The following DNHD1 variants were observed in gnomAD, a reference collection of about 807,000 sequenced individuals.
DNHD1 encodes the protein dynein heavy chain domain-containing protein 1.
A neutral mutation model predicts 458.1 loss-of-function variants in DNHD1; 383 were observed. The ratio of observed to expected loss-of-function variants is 0.84; its 90% CI spans 0.77 to 0.91. DNHD1 has a LOEUF of 0.91. Ranked by LOEUF, DNHD1 falls within the 40% of genes least tolerant of loss-of-function variation. The pLI is 0.00. For missense variants in DNHD1, 5,336 were observed against 5,866.1 expected, an observed-to-expected ratio of 0.91 and a Z score of 2.95; for synonymous variants, 2,203 against 2,376.9, an observed-to-expected ratio of 0.93 and a Z score of 2.13.
rs2134457940 is a variant in DNHD1, at chr11:6,565,968, A to G, written c.11030A>G (p.Gln3677Arg). 6.4e-7 allele frequency: 1 copy of G among 1,551,646 alleles called. No individual in the cohort carries two copies. Among genetic ancestry groups the G allele is most frequent in the Non-Finnish European group, 8.7e-7 (1 of 1,146,980 alleles). ...GGTGCTGACCCAGAGCTGGGTTCTCAGCTCCAGGAGGCAGCTGCTTGTGGT... is the reference window on the plus strand; with the variant it reads ...GGTGCTGACCCAGAGCTGGGTTCTCGGCTCCAGGAGGCAGCTGCTTGTGGT... ...LSGADPELGS[Q>R]LQEAAACGLP... Residue 3677 changes from glutamine to arginine, a missense_variant, in exon 33 of 43, where the codon CAG becomes CGG. Gln to Arg is a conservative substitution (Grantham distance 43). This residue lies in a region of DNHD1 where 695 missense variants were observed against 804.2 expected (regional missense o/e 0.86). Transcript: ENST00000254579.
rs1852207550 is a variant in DNHD1 at position 6,505,212 on chromosome 11, G to C, written c.920+2286G>C. On this transcript the variant is annotated intron_variant, in intron 4 of 42. Transcript: ENST00000254579. This position sits in a 1 kb window ranked among gnomAD's most constrained non-coding sequence, Gnocchi z 4.4. ...CTAATAACCTGAACCTCTTCCATTT[G>C]TTCCTCTAGTTCTGGAGCTGGTTTT... Among the ~76,000 whole-genome samples, 1 of 151,824 alleles carries C rather than the reference G, an allele frequency of 6.6e-6. No homozygotes were observed. Among genetic ancestry groups the C allele is most frequent in the South Asian group, 2.1e-4 (1 of 4,808 alleles).
rs759341285 is a variant in DNHD1 at position 6,548,326 on chromosome 11, C to T, written c.7022C>T (p.Thr2341Ile). The change falls in exon 23 of 43, where the codon ACA becomes ATA. Residue 2341 changes from threonine to isoleucine, a missense_variant. Coordinates refer to ENST00000254579, the MANE Select transcript of DNHD1 (RefSeq NM_144666.3). This position sits in a 1 kb window ranked among gnomAD's most constrained non-coding sequence, Gnocchi z 4.4. ...CTACATGTAAGCCCTGAAGATGGAA[C>T]ACTGGTCCCCTTCACTGGCCAATAC... ...FDLHVSPEDG[T>I]LVPFTGQYLS... 1 of 1,551,716 alleles carries T rather than the reference C, an allele frequency of 6.4e-7. No individual in the cohort carries two copies. The highest frequency in any genetic ancestry group is 8.7e-7 in the Non-Finnish European group (1 of 1,146,990).
chr11:6,567,994 G>A, intron 36 of DNHD1, 62 bp from the exon 37 acceptor site: 10 of 1,487,396 alleles, frequency 6.7e-6, no homozygotes, highest in Non-Finnish European at 9.0e-6. Context: ...CATTAGTTTG[G>A]GTCCCTCGGG....
Position 6,519,676 on chromosome 11 carries a change from A to G in DNHD1, c.1469A>G (p.Gln490Arg), listed in dbSNP as rs1291303068. The G allele has an allele frequency of 1.2e-6, 2 of 1,614,112 alleles. No homozygotes were observed. Among genetic ancestry groups the G allele is most frequent in the Non-Finnish European group, 1.7e-6 (2 of 1,180,048 alleles). The change falls in exon 8 of 43, where the codon CAA (glutamine) becomes CGA (arginine). Residue 490 changes from glutamine to arginine, a missense_variant. Gln to Arg is a conservative substitution (Grantham distance 43, BLOSUM62 1). Transcript: ENST00000254579. ...AACTGTGACAGGATCAGGACAGGCC[A>G]AGGCTCCATATACCTTCAGAGGGTA... ...VQNCDRIRTG[Q>R]GSIYLQRVQH...
Position 6,567,484 on chromosome 11 carries a change from T to A in DNHD1, c.11975T>A (p.Met3992Lys). 6.2e-7 allele frequency: 1 copy of A among 1,613,480 alleles called. No homozygotes were observed. Among genetic ancestry groups the A allele is most frequent in the Non-Finnish European group, 8.5e-7 (1 of 1,179,672 alleles). The change falls in exon 36 of 43, where the codon ATG (methionine) becomes AAG (lysine). Residue 3992 changes from methionine (M) to lysine (K), a missense_variant. Met to Lys is a moderately conservative substitution (Grantham distance 95, BLOSUM62 -1). This residue lies in a region of DNHD1 where 695 missense variants were observed against 804.2 expected (regional missense o/e 0.86). Coordinates refer to ENST00000254579, the MANE Select transcript of DNHD1 (RefSeq NM_144666.3). ...LGPKAWHECE[M>K]LELLPPFVGL... The stretch of plus-strand genomic sequence containing the variant: ...CCAAAAGCCTGGCATGAATGTGAGA[T>A]GTTAGAGCTGCTGCCCCCATTTGTT...
At position 6,545,356 on chromosome 11, in the gene DNHD1, C is replaced by A. The variant is rs183529428; in HGVS notation, c.4417C>A (p.Arg1473=). The A allele has an allele frequency of 1.1e-4, 169 of 1,551,746 alleles. 2 individuals are homozygous for A. The African/African-American group carries it at 1.5e-3, about 13-fold the overall frequency. Residue 1473 remains arginine, a synonymous_variant, in exon 21 of 43, where the codon CGA becomes AGA. Coordinates refer to ENST00000254579, the MANE Select transcript of DNHD1 (RefSeq NM_144666.3). The surrounding 1 kb of genome is among the most constrained non-coding windows in gnomAD (Gnocchi z 4.9). ...LQGCVAARLA[R]GPSLGEALKQ... ...GGGCTGTGTGGCTGCTCGCCTTGCT[C>A]GAGGCCCATCTCTAGGTGAGGCCCT...
At chr11:6,563,324 T>C in intron 29 of DNHD1, 58 bp from the exon 30 acceptor site, 6 of 1,538,068 alleles carry the variant, frequency 3.9e-6, no homozygotes, top group Non-Finnish European at 5.3e-6. Context: ...AAAAACACCT[T>C]GAAGGAAGAA....
intron 14 of DNHD1, among the ~76,000 whole-genome samples, chr11:6,535,312 C>T (rs1443415200): frequency 6.6e-6 from 1 of 152,186 alleles, no homozygotes; most frequent in Non-Finnish European, 1.5e-5. Context: ...TACATGTGCA[C>T]ACATTTGCTA....
rs185693076 is a variant in DNHD1, at chr11:6,502,961, C to G, written c.920+35C>G. 163 of 1,604,460 alleles carry G rather than the reference C, an allele frequency of 1.0e-4. No individual in the cohort carries two copies. The East Asian group carries it at 3.5e-3, about 34-fold the overall frequency. On this transcript the variant is annotated intron_variant, in intron 4 of 42. Coordinates refer to ENST00000254579, the MANE Select transcript of DNHD1 (RefSeq NM_144666.3). Reference sequence around the variant, plus strand: ...TATGTCCAGGCCCCTTCTCCTCCCCCTGCCTGGTTTCCTTCTATGCTATCT... The same window carrying G: ...TATGTCCAGGCCCCTTCTCCTCCCCGTGCCTGGTTTCCTTCTATGCTATCT...
chr11:6,521,905 T>C (rs1038936044), intron 10 of DNHD1, among the ~76,000 whole-genome samples: 2 of 152,128 alleles, frequency 1.3e-5, no homozygotes, highest in Non-Finnish European at 2.9e-5. Flanking sequence ...TTTGTAGAGA[T>C]GGGGTCTTGC....
At position 6,545,920 on chromosome 11, in the gene DNHD1, C is replaced by T; in HGVS notation, c.4981C>T (p.Leu1661=). The T allele has an allele frequency of 6.4e-7, 1 of 1,551,812 alleles. No homozygotes were observed. The change falls in exon 21 of 43, where the codon CTA becomes TTA. Residue 1661 remains leucine, a synonymous_variant. Transcript: ENST00000254579. This position sits in a 1 kb window ranked among gnomAD's most constrained non-coding sequence, Gnocchi z 4.9. The stretch of plus-strand genomic sequence containing the variant: ...GTATCTGGGACCTAGACTAGGGCCT[C>T]TACCCAGCCTACTGCCTGAACGGCC... The part of the protein sequence containing the change: ...YEYLGPRLGP[L]PSLLPERPAL...
In DNHD1 at chr11:6,545,858, T is replaced by C. The variant is rs1853203162; in HGVS notation, c.4919T>C (p.Ile1640Thr). Residue 1640 changes from isoleucine (I) to threonine (T), a missense_variant, in exon 21 of 43, where the codon ATA becomes ACA. Transcript: ENST00000254579. This position sits in a 1 kb window ranked among gnomAD's most constrained non-coding sequence, Gnocchi z 4.9. The stretch of plus-strand genomic sequence containing the variant: ...TCTCTGTCACCAGCGGCATGCTGGA[T>C]AGATGTGCTAGGCAGGTCCTTCCTG... Reference protein sequence around the residue: ...EPSLSPAACWIDVLGRSFLYN... With the variant: ...EPSLSPAACWTDVLGRSFLYN... 4 of 1,551,856 alleles carry C rather than the reference T, an allele frequency of 2.6e-6. No homozygotes were observed. The highest frequency in any genetic ancestry group is 3.5e-6 in the Non-Finnish European group (4 of 1,147,000).
In DNHD1 at chr11:6,546,291, C is replaced by A; in HGVS notation, c.5352C>A (p.Leu1784=). ...CCATAGACCCCACCCAGCCCCAGCT[C>A]CTTGGCAGTAGCTTCTTTGAAAAAC... ...TSTIDPTQPQ[L]LGSSFFEKHH... Residue 1784 remains leucine, a synonymous_variant, in exon 21 of 43, where the codon CTC becomes CTA. Coordinates refer to ENST00000254579, the MANE Select transcript of DNHD1 (RefSeq NM_144666.3). 6.4e-7 allele frequency: 1 copy of A among 1,552,410 alleles called. No homozygotes were observed. The highest frequency in any genetic ancestry group is 8.7e-7 in the Non-Finnish European group (1 of 1,147,150).
chr11:6,570,816 C>T lies in DNHD1; in HGVS notation c.13304C>T (p.Ala4435Val), dbSNP rs747646344. The T allele has an allele frequency of 5.0e-6, 8 of 1,613,922 alleles. No homozygotes were observed. The Admixed American group carries it at 5.0e-5, about 10-fold the overall frequency. ...GAGTCTCGAAGAGGCGCCCAGCTTG[C>T]GGAAAGGCGACTGCGGCAACGCCTA... The part of the protein sequence containing the change: ...VPESRRGAQL[A>V]ERRLRQRLVQ... Residue 4435 changes from alanine to valine, a missense_variant, in exon 42 of 43, where the codon GCG becomes GTG. Ala to Val is a moderately conservative substitution (Grantham distance 64). This residue lies in a region of DNHD1 where 698 missense variants were observed against 664.9 expected (regional missense o/e 1.05). Coordinates refer to ENST00000254579, the MANE Select transcript of DNHD1 (RefSeq NM_144666.3).
chr11:6,507,515 T>C (rs961393550), intron 4 of DNHD1, among the ~76,000 whole-genome samples: 1 of 152,196 alleles, frequency 6.6e-6, no homozygotes, highest in African/African-American at 2.4e-5. Context: ...TTTTTAAGCA[T>C]TACATATATA....
In DNHD1 at chr11:6,544,323, G is replaced by A. The variant is rs1237490071; in HGVS notation, c.3754+77G>A. 4 of 1,507,512 alleles carry A rather than the reference G, an allele frequency of 2.7e-6. No homozygotes were observed. The East Asian group carries it at 7.4e-5, about 28-fold the overall frequency. 93.4% of individuals were successfully genotyped at this position (1,507,512 alleles called of 1,614,324 possible). On this transcript the variant is annotated intron_variant, in intron 19 of 42. Transcript: ENST00000254579. Reference sequence around the variant, plus strand: ...CCCAGAGGGATGGGGGTGAGAGGTGGAGGTTGGGTGGGAGAAGATATGAAG... The same window carrying A: ...CCCAGAGGGATGGGGGTGAGAGGTGAAGGTTGGGTGGGAGAAGATATGAAG...
At chr11:6,503,099 T>C in intron 4 of DNHD1, 173 bp downstream of exon 4, 1 of 638,986 alleles carries the variant, frequency 1.6e-6, no homozygotes, top group Middle Eastern at 3.9e-4. Flanking sequence ...CCTCCTCCTT[T>C]CCACTCTCTA....
At chr11:6,504,387 C>T (rs1852190165) in intron 4 of DNHD1, among the ~76,000 whole-genome samples, 2 of 152,210 alleles carry the variant, frequency 1.3e-5, no homozygotes, top group East Asian at 1.9e-4. Flanking sequence ...CTTGCTGCTT[C>T]GTTTGCTTGC....
intron 28 of DNHD1, among the ~76,000 whole-genome samples, chr11:6,559,634 A>G (rs1419022257): frequency 6.6e-6 from 1 of 152,210 alleles, no homozygotes; most frequent in Non-Finnish European, 1.5e-5. Flanking sequence ...CTCACCTCTT[A>G]GAGTTATCCT....
Sources: gnomAD v4.1 joint callset for allele counts (sites outside exome capture counted in the v4.1 genomes callset) on GRCh38, gnomAD v4.1.1 for gene constraint, gnomAD v4.1.1 regional missense constraint, Gnocchi (gnomAD v3.1) non-coding constraint, MANE v1.5 for transcripts, NCBI Gene and HGNC (gene_info 2026-07-23, HGNC 2026-07-21) for gene names.